DPP6: variants seen among roughly 807,000 people sequenced by gnomAD.
DPP6 encodes dipeptidyl peptidase like 6, also known as A-type potassium channel modulatory protein DPP6.
DPP6 carries 69 observed loss-of-function variants against 122.6 expected under a neutral mutation model. That is an observed-to-expected ratio of 0.56 (90% confidence interval 0.46 to 0.69). DPP6 has a LOEUF of 0.69. DPP6 is among the 30% of genes least tolerant of loss of function. The pLI is 0.00. For missense variants in DPP6, 928 were observed against 1,116.9 expected (o/e 0.83, Z 2.41); for synonymous variants, 418 against 433.1 (o/e 0.97, Z 0.43).
chr7:153,924,256 A>G (rs963029034), intron 1 of DPP6, among the ~76,000 whole-genome samples: 2 of 151,850 alleles, frequency 1.3e-5, no homozygotes, highest in African/African-American at 4.8e-5. Flanking sequence ...TTATAGGCAC[A>G]TGTCACCACG....
intron 1 of DPP6, among the ~76,000 whole-genome samples, chr7:154,405,518 G>A (rs1262646670): frequency 6.6e-6 from 1 of 152,174 alleles, no homozygotes; most frequent in Non-Finnish European, 1.5e-5. Flanking sequence ...TTTCTAAGCA[G>A]ACTGAGAAAG....
intron 5 of DPP6, among the ~76,000 whole-genome samples, chr7:154,572,500 T>TTTTTC (rs1563873641): frequency 1.4e-5 from 2 of 146,706 alleles, no homozygotes; most frequent in Non-Finnish European, 1.5e-5. Flanking sequence ...AGTTTCTTTT[T>TTTTTC]TTTTCTTTTC....
chr7:154,319,273 AACAC>A lies in DPP6; in HGVS notation c.244-126939_244-126936del, dbSNP rs145578734. 6.9e-3 allele frequency among the ~76,000 whole-genome samples: 1,046 copies of A among 152,316 alleles called. 27 individuals carry two copies. The East Asian group carries it at 0.069, about 10-fold the overall frequency. ...TTTTGTCTTCAAATTGTTTTGCTCT[AACAC>A]AGGCGAGATTTTTATTTTTAAAGAC... On this transcript the variant is annotated intron_variant, in intron 1 of 25. Coordinates refer to ENST00000377770, the MANE Select transcript of DPP6 (RefSeq NM_130797.4).
rs533253016 is a variant in DPP6 at position 154,608,912 on chromosome 7, A to G, written c.628-28909A>G. Among the ~76,000 whole-genome samples, 218 of 152,262 alleles carry G rather than the reference A, an allele frequency of 1.4e-3. 2 individuals are homozygous for G. Among genetic ancestry groups the G allele is most frequent in the East Asian group, 9.7e-4 (5 of 5,180 alleles). ...TCAGTTCAGGTAGATGGAATTTTCT[A>G]GTTCCAGTCCCGTTTTCAAGAAAGT... On this transcript the variant is annotated intron_variant, in intron 5 of 25. Transcript: ENST00000377770.
At chr7:154,075,096 A>G (rs959451287) in intron 1 of DPP6, among the ~76,000 whole-genome samples, 18 of 152,188 alleles carry the variant, frequency 1.2e-4, no homozygotes, top group African/African-American at 4.3e-4. Context: ...AATTAAAACC[A>G]CAATGCAATA....
intron 1 of DPP6, among the ~76,000 whole-genome samples, chr7:154,023,318 G>GCACGCGCACGCACACA (rs373378162): frequency 5.6e-4 from 72 of 129,616 alleles, no homozygotes; most frequent in African/African-American, 2.1e-3. Context: ...TTTCTTGTCT[G>GCACGCGCACGCACACA]CACACACACA....
rs373378162 is a variant in DPP6, at chr7:154,023,318, G to GCACGCGCACACACACACACA, written c.51+135587_51+135588insGCGCACACACACACACACAC. Among the ~76,000 whole-genome samples the GCACGCGCACACACACACACA allele has an allele frequency of 1.3e-3, 163 of 129,612 alleles. 1 individual carries two copies. The highest frequency in any genetic ancestry group is 4.7e-3 in the African/African-American group (145 of 31,174). The allele number at this position is 129,612 out of a possible 152,430, so 85.0% of individuals were successfully genotyped here. On this transcript the variant is annotated intron_variant, in intron 1 of 25. Transcript: ENST00000404039. ...CAGGCTCTGGAAATGTTTCTTGTCT[G>GCACGCGCACACACACACACA]CACACACACACACACACACACACAC...
chr7:153,958,648 G>T (rs544118860), intron 1 of DPP6, among the ~76,000 whole-genome samples: 2 of 152,172 alleles, frequency 1.3e-5, no homozygotes, highest in African/African-American at 4.8e-5. Context: ...CATCGGAGGC[G>T]GGGTTGCATC....
intron 1 of DPP6, among the ~76,000 whole-genome samples, chr7:154,251,575 C>A (rs1465213794): frequency 1.3e-5 from 2 of 152,200 alleles, no homozygotes; most frequent in African/African-American, 4.8e-5. Flanking sequence ...AGCAAGGAAG[C>A]CAGTAGTGGC....
chr7:153,895,244 G>A (rs1345915338), intron 1 of DPP6, among the ~76,000 whole-genome samples: 1 of 152,192 alleles, frequency 6.6e-6, no homozygotes, highest in East Asian at 1.9e-4. Flanking sequence ...GAAACAAGGA[G>A]GGTGATAGAA....
intron 1 of DPP6, among the ~76,000 whole-genome samples, chr7:154,012,752 A>G (rs980822043): frequency 6.6e-5 from 10 of 152,268 alleles, no homozygotes; most frequent in Non-Finnish European, 1.0e-4. Flanking sequence ...GTCTATTTCT[A>G]TGGAGTTATT....
chr7:154,846,709 A>C (rs946746593), intron 16 of DPP6, among the ~76,000 whole-genome samples: 1 of 152,246 alleles, frequency 6.6e-6, no homozygotes, highest in Non-Finnish European at 1.5e-5. Flanking sequence ...AACAACCTAA[A>C]TATCCACCAG....
At chr7:154,165,310 T>C (rs2150716549) in intron 1 of DPP6, among the ~76,000 whole-genome samples, 1 of 143,100 alleles carries the variant, frequency 7.0e-6, no homozygotes, top group East Asian at 2.0e-4. Context: ...TCCAATTTCA[T>C]CCATGTCCCT....
At chr7:154,750,118 G>T (rs1046250087) in intron 8 of DPP6, among the ~76,000 whole-genome samples, 1 of 152,164 alleles carries the variant, frequency 6.6e-6, no homozygotes, top group African/African-American at 2.4e-5. Context: ...CTTGCTCCTG[G>T]CCTGTGTGTG....
intron 1 of DPP6, chr7:154,057,528 A>C (rs1480509123): frequency 6.6e-6 from 1 of 150,922 alleles, no homozygotes. Flanking sequence ...AGGGGTCCGA[A>C]CGCAGCTCAG....
At chr7:154,820,299 G>A (rs895152919) in intron 16 of DPP6, among the ~76,000 whole-genome samples, 3 of 152,158 alleles carry the variant, frequency 2.0e-5, no homozygotes, top group Non-Finnish European at 2.9e-5. Context: ...CAGCCAGACC[G>A]ACTGTAAATA....
chr7:154,340,363 A>T (rs1399629301), intron 1 of DPP6, among the ~76,000 whole-genome samples: 1 of 152,218 alleles, frequency 6.6e-6, no homozygotes, highest in Non-Finnish European at 1.5e-5. Flanking sequence ...AACACTTCCC[A>T]GTCAGCTCAG....
intron 7 of DPP6, among the ~76,000 whole-genome samples, chr7:154,682,864 C>T (rs1274652106): frequency 6.6e-6 from 1 of 152,202 alleles, no homozygotes; most frequent in Non-Finnish European, 1.5e-5. Flanking sequence ...CGTGCTAGAG[C>T]AGTGATAGAC....
chr7:154,575,075 T>C (rs1176130659), intron 5 of DPP6, among the ~76,000 whole-genome samples: 1,484 of 98,614 alleles, frequency 0.015, 16 homozygotes, highest in South Asian at 0.034. Context: ...GTGTGTTGTG[T>C]GTATGTGTGT....
Sources: gnomAD v4.1 joint callset for allele counts (sites outside exome capture counted in the v4.1 genomes callset) on GRCh38, gnomAD v4.1.1 for gene constraint, MANE v1.5 for transcripts, NCBI Gene and HGNC (gene_info 2026-07-23, HGNC 2026-07-21) for gene names.